Variants in PRICKLE2 observed in about 807,000 individuals in gnomAD.
PRICKLE2 encodes prickle-like protein 2.
Under a neutral mutation model 81.4 loss-of-function variants are expected in PRICKLE2, and 21 were observed. That is an observed-to-expected ratio of 0.26 (90% CI 0.18 to 0.37). The LOEUF (loss-of-function observed/expected upper bound fraction) is 0.37. Among genes scored for constraint, PRICKLE2 ranks in the 10% least tolerant of loss-of-function variants. PRICKLE2 has a pLI of 1.00. For missense variants in PRICKLE2, 940 were observed against 1,109.0 expected (o/e 0.85, Z 2.16); for synonymous variants, 456 against 421.5 (o/e 1.08, Z -1.00).
At chr3:64,230,006 G>A (rs2079079350), upstream of PRICKLE2, among the ~76,000 whole-genome samples, 4 of 152,198 alleles carry the variant, frequency 2.6e-5, no homozygotes, top group South Asian at 8.3e-4. Flanking sequence ...TAGCGACTCA[G>A]GGATCTACTC....
intron 2 of PRICKLE2, among the ~76,000 whole-genome samples, chr3:64,249,803 T>A (rs1035732817): frequency 6.6e-6 from 1 of 152,228 alleles, no homozygotes; most frequent in Non-Finnish European, 1.5e-5. Context: ...TCCTTGAAGG[T>A]GGAGACTCTC....
At chr3:64,208,147 C>G (rs1395166417) in intron 1 of PRICKLE2, among the ~76,000 whole-genome samples, 1 of 152,174 alleles carries the variant, frequency 6.6e-6, no homozygotes, top group Non-Finnish European at 1.5e-5. Flanking sequence ...TTCTAGACTG[C>G]AGGCTGCCTA....
At chr3:64,249,608 T>C (rs570391765) in intron 2 of PRICKLE2, among the ~76,000 whole-genome samples, 2 of 152,184 alleles carry the variant, frequency 1.3e-5, no homozygotes, top group Admixed American at 6.5e-5. Context: ...GGAAGAAAGT[T>C]ACAAAAAAAA....
At chr3:64,206,098 T>A (rs1018828526) in intron 1 of PRICKLE2, among the ~76,000 whole-genome samples, 4 of 152,226 alleles carry the variant, frequency 2.6e-5, no homozygotes, top group Non-Finnish European at 5.9e-5. Flanking sequence ...AGATAAATAA[T>A]AATTCTAGTT....
chr3:64,244,627 T>C (rs1160625031), intron 2 of PRICKLE2, among the ~76,000 whole-genome samples: 1 of 151,584 alleles, frequency 6.6e-6, no homozygotes, highest in Non-Finnish European at 1.5e-5. Flanking sequence ...TGTGTGTGTG[T>C]GTGTGTGTCT....
intron 7 of PRICKLE2, among the ~76,000 whole-genome samples, chr3:64,140,950 G>A (rs2077351997): frequency 6.6e-6 from 1 of 152,170 alleles, no homozygotes; most frequent in African/African-American, 2.4e-5. Context: ...GGAATATCAG[G>A]CCAGTTAAGT....
chr3:64,234,392 G>T (rs1359827813), intron 2 of PRICKLE2, among the ~76,000 whole-genome samples: 2 of 151,936 alleles, frequency 1.3e-5, no homozygotes, highest in Non-Finnish European at 2.9e-5. Context: ...GTTTTTATTT[G>T]CACTTGCTTA....
Position 64,225,040 on chromosome 3 carries a change from A to AG in PRICKLE2, c.-172dup. 4 of 985,444 alleles carry AG rather than the reference A, an allele frequency of 4.1e-6. No individual in the cohort carries two copies. Among genetic ancestry groups the AG allele is most frequent in the Non-Finnish European group, 4.8e-6 (4 of 830,068 alleles). 61.0% of individuals were successfully genotyped at this position (985,444 alleles called of 1,614,324 possible). A position where few individuals can be genotyped will look rare whatever the true frequency, so the allele number is the denominator to read the frequency against. On this transcript the variant is annotated 5_prime_UTR_variant, in exon 1 of 8. The change creates a premature stop within an existing upstream ORF in the 5' untranslated region. Coordinates refer to ENST00000638394, the MANE Select transcript of PRICKLE2 (RefSeq NM_198859.4). ...CGCAAGCAGGACCTCAGGCAGCCAA[A>AG]GCATCTTCTCCTCAAACCCCCTTTT...
intron 3 of PRICKLE2, among the ~76,000 whole-genome samples, chr3:64,162,126 G>C (rs538128340): frequency 6.6e-6 from 1 of 152,080 alleles, no homozygotes; most frequent in South Asian, 2.1e-4. Context: ...CCCCTGGGAC[G>C]GAGCTGCTGG....
At chr3:64,140,873 A>T (rs968777819) in intron 7 of PRICKLE2, among the ~76,000 whole-genome samples, 1 of 152,144 alleles carries the variant, frequency 6.6e-6, no homozygotes, top group African/African-American at 2.4e-5. Context: ...CAGGAGAGAA[A>T]ATGCCTATCC....
intron 2 of PRICKLE2, among the ~76,000 whole-genome samples, chr3:64,177,097 T>C (rs1379799002): frequency 6.8e-6 from 1 of 146,210 alleles, no homozygotes; most frequent in Non-Finnish European, 1.5e-5. Flanking sequence ...TATTGTGGTA[T>C]ACACATTACA....
intron 1 of PRICKLE2, among the ~76,000 whole-genome samples, chr3:64,210,336 G>A (rs2078764994): frequency 6.6e-6 from 1 of 152,060 alleles, no homozygotes; most frequent in Non-Finnish European, 1.5e-5. Flanking sequence ...TCTGAATGAG[G>A]GACCCAGGCA....
chr3:64,193,145 A>G (rs2078377441), intron 2 of PRICKLE2, among the ~76,000 whole-genome samples: 1 of 152,178 alleles, frequency 6.6e-6, no homozygotes, highest in Non-Finnish European at 1.5e-5. Flanking sequence ...ACATGTATAA[A>G]ATGCATAAGG....
At chr3:64,152,325 A>G (rs998610523) in intron 6 of PRICKLE2, among the ~76,000 whole-genome samples, 5 of 152,106 alleles carry the variant, frequency 3.3e-5, no homozygotes, top group African/African-American at 1.2e-4. Context: ...CAACTTTTTT[A>G]TTCCCTCCAA....
At chr3:64,255,842 G>T (rs1278703463) in intron 2 of PRICKLE2, among the ~76,000 whole-genome samples, 2 of 152,182 alleles carry the variant, frequency 1.3e-5, no homozygotes, top group Non-Finnish European at 2.9e-5. Flanking sequence ...TGAGACAAGG[G>T]GAAGTCTCCT....
At chr3:64,224,567 T>C (rs747649221) in intron 1 of PRICKLE2, among the ~76,000 whole-genome samples, 1 of 152,214 alleles carries the variant, frequency 6.6e-6, no homozygotes, top group Non-Finnish European at 1.5e-5. Flanking sequence ...CTACTGTACA[T>C]GAACGCTATC....
intron 7 of PRICKLE2, chr3:64,146,624 T>C (rs2077457819): frequency 8.8e-6 from 5 of 568,994 alleles, no homozygotes; most frequent in Non-Finnish European, 1.6e-5. Flanking sequence ...GCACCTGTAG[T>C]CCCAACTACT....
In PRICKLE2 at chr3:64,092,554, A is replaced by G. The variant is rs1252513826; in HGVS notation, c.*6497T>C. The G allele has an allele frequency of 6.6e-6, 1 of 152,268 alleles. No homozygotes were observed. The highest frequency in any genetic ancestry group is 2.4e-5 in the African/African-American group (1 of 41,460). 9.4% of individuals were successfully genotyped at this position (152,268 alleles called of 1,614,324 possible). A position where few individuals can be genotyped will look rare whatever the true frequency, so the allele number is the denominator to read the frequency against. On this transcript the variant is annotated 3_prime_UTR_variant, in exon 8 of 8. Transcript: ENST00000638394. Reference sequence around the variant, plus strand: ...GCAAGTCCCTAATGTTGTGGATCAGACACGGGGAAATTGAATTTACATGCT... The same window carrying G: ...GCAAGTCCCTAATGTTGTGGATCAGGCACGGGGAAATTGAATTTACATGCT...
chr3:64,128,521 G>A (rs2077146977), intron 7 of PRICKLE2, among the ~76,000 whole-genome samples: 1 of 152,076 alleles, frequency 6.6e-6, no homozygotes, highest in Admixed American at 6.5e-5. Context: ...CTCACAGCGG[G>A]CGGATCACAA....
Sources: gnomAD v4.1 joint callset for allele counts (sites outside exome capture counted in the v4.1 genomes callset) on GRCh38, gnomAD v4.1.1 for gene constraint, MANE v1.5 for transcripts, NCBI Gene and HGNC (gene_info 2026-07-23, HGNC 2026-07-21) for gene names.